PID1: variants seen among roughly 807,000 people sequenced by gnomAD.
The protein encoded by PID1 is PTB-containing, cubilin and LRP1-interacting protein.
Under a neutral mutation model 19.1 loss-of-function variants are expected in PID1, and 10 were observed. That is an observed-to-expected ratio of 0.52 (90% CI 0.32 to 0.89). The LOEUF is 0.89. Among genes scored for constraint, PID1 ranks in the 40% least tolerant of loss-of-function variants. The pLI is 0.03. For synonymous variants in PID1, 130 were observed against 116.0 expected (o/e 1.12, Z -0.78); for missense variants, 248 against 285.3 (o/e 0.87, Z 0.94).
At chr2:229,123,227 A>G (rs1336041554) in intron 2 of PID1, among the ~76,000 whole-genome samples, 4 of 152,112 alleles carry the variant, frequency 2.6e-5, no homozygotes, top group Non-Finnish European at 5.9e-5. Context: ...ACCTGTCTCT[A>G]CAGATTTACC....
At chr2:229,106,309 T>C (rs189143346) in intron 2 of PID1, among the ~76,000 whole-genome samples, 62 of 152,286 alleles carry the variant, frequency 4.1e-4, no homozygotes, top group Non-Finnish European at 7.4e-4. Context: ...ATTACCACTT[T>C]GAGAGCAGAG....
Position 229,176,159 on chromosome 2 carries a change from TAAAAAAAA to T in PID1, c.31-20203_31-20196del, listed in dbSNP as rs3084653. Among the ~76,000 whole-genome samples, 33 of 149,606 alleles carry T rather than the reference TAAAAAAAA, an allele frequency of 2.2e-4. No individual in the cohort carries two copies. In the South Asian group the frequency reaches 5.7e-3, roughly 26 times the overall value. ...CAAAGTTCCTACAACCTTCAAAAAT[TAAAAAAAA>T]AAAAACAAAACAAAACAAAAAAAGA... On this transcript the variant is annotated intron_variant, in intron 1 of 2. Transcript: ENST00000392055.
At chr2:229,106,292 TATC>T (rs1386633049) in intron 2 of PID1, among the ~76,000 whole-genome samples, 1 of 152,152 alleles carries the variant, frequency 6.6e-6, no homozygotes, top group Non-Finnish European at 1.5e-5. Context: ...CTTCTCTAGT[TATC>T]ATGATTACCA....
chr2:229,236,681 T>G (rs1689694476), intron 1 of PID1: 1 of 151,622 alleles, frequency 6.6e-6, no homozygotes, highest in Non-Finnish European at 1.5e-5. Context: ...GAGCATAACT[T>G]GAGGAAAAAT....
intron 2 of PID1, among the ~76,000 whole-genome samples, chr2:229,053,170 C>T (rs531087694): frequency 1.5e-4 from 23 of 152,142 alleles, no homozygotes; most frequent in African/African-American, 5.1e-4. Context: ...ATGTAATACA[C>T]GTGTCATATT....
chr2:229,159,595 T>C (rs539938113), intron 1 of PID1, among the ~76,000 whole-genome samples: 2 of 152,106 alleles, frequency 1.3e-5, no homozygotes, highest in East Asian at 3.9e-4. Context: ...CCCCCACAAG[T>C]GCATATGCCA....
At chr2:229,244,120 T>A (rs1237503445) in intron 1 of PID1, among the ~76,000 whole-genome samples, 1 of 152,178 alleles carries the variant, frequency 6.6e-6, no homozygotes, top group Non-Finnish European at 1.5e-5. Context: ...CAAAATATGT[T>A]ATTTTTTAGT....
rs1256368629 is a variant in PID1, at chr2:229,183,882, A to ATATATATATATATATATATATATCCCC, written c.31-27919_31-27918insGGGGATATATATATATATATATATATA. ...CTCTCCTCACTCTCTCTCTTTCTAT[A>ATATATATATATATATATATATATCCCC]TATATATATATATATATATATATAT... On this transcript the variant is annotated intron_variant, in intron 1 of 2. Coordinates refer to ENST00000392055, the MANE Select transcript of PID1 (RefSeq NM_001100818.2). 8.9e-3 allele frequency among the ~76,000 whole-genome samples: 2 copies of ATATATATATATATATATATATATCCCC among 224 alleles called. 1 individual carries two copies. Among genetic ancestry groups the ATATATATATATATATATATATATCCCC allele is most frequent in the African/African-American group, 0.011 (2 of 188 alleles). The allele number at this position is 224 out of a possible 152,430, so 0.1% of individuals were successfully genotyped here.
At chr2:229,226,795 GA>G (rs1692085998) in intron 1 of PID1, among the ~76,000 whole-genome samples, 1 of 152,168 alleles carries the variant, frequency 6.6e-6, no homozygotes, top group African/African-American at 2.4e-5. Context: ...ACCATTTCAT[GA>G]CGGAAAAATG....
In PID1 at chr2:229,025,973, T is replaced by C. The variant is rs1203108911; in HGVS notation, c.313A>G (p.Ile105Val). The C allele has an allele frequency of 6.2e-7, 1 of 1,614,212 alleles. No homozygotes were observed. The highest frequency in any genetic ancestry group is 8.5e-7 in the Non-Finnish European group (1 of 1,180,026). Residue 105 changes from isoleucine to valine, a missense_variant, in exon 3 of 3, where the codon ATC becomes GTC. By Grantham distance (29) the Ile-to-Val change is conservative (BLOSUM62 3). Transcript: ENST00000392055. Reference sequence around the variant, plus strand: ...TGGAGCCAAACTTGGAATGGCCGGATTTCCAGGAGGGCATTGGCCGGAAAG... The same window carrying C: ...TGGAGCCAAACTTGGAATGGCCGGACTTCCAGGAGGGCATTGGCCGGAAAG... ...DVFPANALLE[I>V]RPFQVWLHHL...
chr2:229,087,744 G>T (rs1326452730), intron 2 of PID1, among the ~76,000 whole-genome samples: 1 of 152,078 alleles, frequency 6.6e-6, no homozygotes, highest in Non-Finnish European at 1.5e-5. Context: ...AGTCAAAATA[G>T]TAGTTAGAAA....
intron 2 of PID1, among the ~76,000 whole-genome samples, chr2:229,145,155 G>GTATATATATATATATATATATA (rs5839309): frequency 1.7e-5 from 2 of 119,968 alleles, no homozygotes; most frequent in South Asian, 2.7e-4. Context: ...ATATGTATGT[G>GTATATATATATATATATATATA]TATATATATA....
chr2:229,218,685 G>C lies in PID1; in HGVS notation c.30+52329C>G, dbSNP rs1038195604. On this transcript the variant is annotated intron_variant, in intron 1 of 2. Transcript: ENST00000392055. ...AAGCAGATTCCATATACAGAGTCCA[G>C]GTTAGGAGCCCTGGGATTTAGGGAA... is the stretch of plus-strand genomic sequence containing the variant. Among the ~76,000 whole-genome samples the C allele has an allele frequency of 2.6e-5, 4 of 152,288 alleles. No homozygotes were observed. In the East Asian group the frequency reaches 7.7e-4, roughly 29 times the overall value.
intron 2 of PID1, among the ~76,000 whole-genome samples, chr2:229,032,386 A>C (rs950495475): frequency 2.0e-5 from 3 of 152,204 alleles, no homozygotes; most frequent in African/African-American, 7.2e-5. Flanking sequence ...CTGTGCACCA[A>C]TGTCAGGTTT....
chr2:229,229,347 T>G (rs1692153405), intron 1 of PID1, among the ~76,000 whole-genome samples: 1 of 152,150 alleles, frequency 6.6e-6, no homozygotes, highest in African/African-American at 2.4e-5. Context: ...TTATTTTCAC[T>G]CCAACTTGTA....
intron 1 of PID1, among the ~76,000 whole-genome samples, chr2:229,236,912 A>T (rs914886577): frequency 1.3e-5 from 2 of 151,878 alleles, no homozygotes; most frequent in African/African-American, 2.4e-5. Flanking sequence ...GTTTATAGAT[A>T]GCTATTTCAT....
chr2:229,067,758 C>T (rs551097144), intron 2 of PID1, among the ~76,000 whole-genome samples: 121 of 152,326 alleles, frequency 7.9e-4, no homozygotes, highest in African/African-American at 2.7e-3. Flanking sequence ...CTGCATCCAT[C>T]TCCCCTCCAA....
At chr2:229,231,901 A>C (rs575543843) in intron 1 of PID1, 1 of 1,550,254 alleles carries the variant, frequency 6.5e-7, no homozygotes, top group African/African-American at 1.4e-5. Flanking sequence ...AATTTATAAA[A>C]AAAAACAGAA....
rs528755945 is a variant in PID1 at position 229,219,426 on chromosome 2, C to T, written c.30+51588G>A. On this transcript the variant is annotated intron_variant, in intron 1 of 2. Transcript: ENST00000392055. ...CCATCAGATGTTGTGAGAACTATCACGAGAACAGCAGCAAGAAGGAAACCG... is the reference window on the plus strand; with the variant it reads ...CCATCAGATGTTGTGAGAACTATCATGAGAACAGCAGCAAGAAGGAAACCG... Among the ~76,000 whole-genome samples the T allele has an allele frequency of 6.6e-5, 10 of 152,258 alleles. No individual in the cohort carries two copies. The South Asian group carries it at 1.5e-3, about 22-fold the overall frequency.
Sources: allele counts gnomAD v4.1 joint callset (sites outside exome capture counted in the v4.1 genomes callset), GRCh38; gene constraint gnomAD v4.1.1; transcripts MANE v1.5; gene names NCBI Gene and HGNC (gene_info 2026-07-23, HGNC 2026-07-21).